PATL1: variants seen among roughly 807,000 people sequenced by gnomAD.
The protein encoded by PATL1 is PAT1 homolog 1, processing body mRNA decay factor, also known as protein PAT1 homolog 1.
Under a neutral mutation model 100.6 loss-of-function variants are expected in PATL1, and 32 were observed. That is an observed-to-expected ratio of 0.32 (90% confidence interval 0.24 to 0.43). PATL1 has a LOEUF of 0.43. PATL1 is among the 20% of genes least tolerant of loss of function. The probability of loss-of-function intolerance (pLI) is 1.00; values close to 1 mark genes in which losing one functional copy is unlikely to be tolerated. For missense variants in PATL1, 747 were observed against 949.9 expected (o/e 0.79, Z 2.81); for synonymous variants, 332 against 330.0 (o/e 1.01, Z -0.07).
chr11:59,658,549 C>T (rs1261597710), intron 4 of PATL1, among the ~76,000 whole-genome samples: 1 of 152,106 alleles, frequency 6.6e-6, no homozygotes, highest in Non-Finnish European at 1.5e-5. Flanking sequence ...TCTTGAACTC[C>T]TCACCTCAAG....
chr11:59,648,191 T>C (rs992813732), intron 14 of PATL1, among the ~76,000 whole-genome samples: 28 of 149,664 alleles, frequency 1.9e-4, no homozygotes, highest in Non-Finnish European at 3.1e-4. Context: ...TTTTCTTTTT[T>C]TTTTTTTTTT....
chr11:59,652,395 T>C, intron 11 of PATL1, 69 bp downstream of exon 11: 3 of 1,533,094 alleles, frequency 2.0e-6, no homozygotes, highest in East Asian at 2.3e-5. Flanking sequence ...TACACTTGTC[T>C]ATATTTAATC....
At chr11:59,658,980 T>C (rs962038292) in intron 3 of PATL1, 34 bp from the exon 4 acceptor site, 11 of 1,507,146 alleles carry the variant, frequency 7.3e-6, no homozygotes, top group Non-Finnish European at 9.0e-6. Flanking sequence ...GAGTCTGAAA[T>C]GTTGTATACT....
chr11:59,656,943 G>A (rs533120803), intron 5 of PATL1: 1 of 361,370 alleles, frequency 2.8e-6, no homozygotes, highest in Non-Finnish European at 3.8e-6. Flanking sequence ...AAGAAAGCTG[G>A]AGGATTAACT....
rs1212563421 is a variant in PATL1 at position 59,638,370 on chromosome 11, A to G, written c.*20T>C. The G allele has an allele frequency of 1.2e-6, 2 of 1,610,658 alleles. No homozygotes were observed. Among genetic ancestry groups the G allele is most frequent in the East Asian group, 2.2e-5 (1 of 44,876 alleles). Reference sequence around the variant, plus strand: ...GCAGGTGGCAGCCAAAAGGAGGTACAGGACACATTTGGAGATCTTTTATCG... The same window carrying G: ...GCAGGTGGCAGCCAAAAGGAGGTACGGGACACATTTGGAGATCTTTTATCG... On this transcript the variant is annotated 3_prime_UTR_variant, in exon 19 of 19. Coordinates refer to ENST00000300146, the MANE Select transcript of PATL1 (RefSeq NM_152716.3).
At position 59,637,112 on chromosome 11, in the gene PATL1, AAAGT is replaced by A. The variant is rs1285091815; in HGVS notation, c.*1274_*1277del. On this transcript the variant is annotated 3_prime_UTR_variant, in exon 19 of 19. Transcript: ENST00000300146. ...CTCCCACCCCCCAACTACATTCGAA[AAAGT>A]AAGAACAGCAGAAAGATCACGAAGG... 1 of 152,676 alleles carries A rather than the reference AAAGT, an allele frequency of 6.5e-6. No individual in the cohort carries two copies. The highest frequency in any genetic ancestry group is 1.9e-4 in the East Asian group (1 of 5,200). The allele number at this position is 152,676 out of a possible 1,614,324, so 9.5% of individuals were successfully genotyped here. A position where few individuals can be genotyped will look rare whatever the true frequency, so the allele number is the denominator to read the frequency against.
intron 1 of PATL1, among the ~76,000 whole-genome samples, chr11:59,668,117 C>T (rs570498072): frequency 2.0e-4 from 31 of 152,356 alleles, no homozygotes; most frequent in African/African-American, 7.2e-4. Flanking sequence ...ATCTACTTTA[C>T]CAAATCGCTG....
chr11:59,644,932 G>T (rs2134740081), intron 15 of PATL1, among the ~76,000 whole-genome samples: 1 of 130,266 alleles, frequency 7.7e-6, no homozygotes, highest in African/African-American at 2.9e-5. Flanking sequence ...AAAGCACAGT[G>T]CTTGGTTGTC....
intron 8 of PATL1, 38 bp from the exon 9 acceptor site, chr11:59,654,110 C>T (rs763731564): frequency 2.0e-6 from 3 of 1,524,858 alleles, no homozygotes; most frequent in Non-Finnish European, 2.7e-6. Context: ...GTTTGGTCAT[C>T]CTGATGACTT....
chr11:59,668,922 G>T lies in PATL1; in HGVS notation c.-27C>A. The T allele has an allele frequency of 2.0e-6, 1 of 497,560 alleles. No homozygotes were observed. 30.8% of individuals were successfully genotyped at this position (497,560 alleles called of 1,614,324 possible). On this transcript the variant is annotated 5_prime_UTR_variant, in exon 1 of 19. Transcript: ENST00000300146. Reference sequence around the variant, plus strand: ...CTTGGGGAGGGGGGCAGGGAGCGGGGAGGGGAGAGGGGGAGGGAGGGAAGA... The same window carrying T: ...CTTGGGGAGGGGGGCAGGGAGCGGGTAGGGGAGAGGGGGAGGGAGGGAAGA...
At chr11:59,657,924 G>C (rs933853467) in intron 4 of PATL1, among the ~76,000 whole-genome samples, 200 bp from the exon 5 acceptor site, 9 of 152,144 alleles carry the variant, frequency 5.9e-5, no homozygotes, top group Admixed American at 5.2e-4. Flanking sequence ...AGCGCCTTGG[G>C]AGGGTGAGGT....
chr11:59,658,468 G>A (rs1590702731), intron 4 of PATL1, among the ~76,000 whole-genome samples: 1 of 151,994 alleles, frequency 6.6e-6, no homozygotes, highest in Non-Finnish European at 1.5e-5. Flanking sequence ...GATTACAGGT[G>A]CCCACCACCA....
intron 2 of PATL1, 66 bp from the exon 3 acceptor site, chr11:59,659,535 TTG>T: frequency 7.0e-7 from 1 of 1,429,846 alleles, no homozygotes; most frequent in South Asian, 1.3e-5. Context: ...TACACAATTA[TTG>T]TTTTTTTTTT....
intron 18 of PATL1, 120 bp from the exon 19 acceptor site, chr11:59,638,531 T>C: frequency 1.0e-6 from 1 of 954,494 alleles, no homozygotes; most frequent in Non-Finnish European, 1.6e-6. Flanking sequence ...AGATTATTTC[T>C]CTACCCTTAG....
Position 59,639,275 on chromosome 11 carries a change from A to G in PATL1, c.2141+17T>C. The G allele has an allele frequency of 6.4e-7, 1 of 1,560,668 alleles. No homozygotes were observed. The highest frequency in any genetic ancestry group is 8.7e-7 in the Non-Finnish European group (1 of 1,152,000). ...CTCAAAGAACTTAAAATAAGAGAAGAAACAGTCCACACTGACCACTGATTA... is the reference window on the plus strand; with the variant it reads ...CTCAAAGAACTTAAAATAAGAGAAGGAACAGTCCACACTGACCACTGATTA... On this transcript the variant is annotated intron_variant, in intron 17 of 18. Coordinates refer to ENST00000300146, the MANE Select transcript of PATL1 (RefSeq NM_152716.3).
intron 13 of PATL1, among the ~76,000 whole-genome samples, chr11:59,650,242 A>G (rs1288443208): frequency 6.6e-6 from 1 of 152,202 alleles, no homozygotes; most frequent in Non-Finnish European, 1.5e-5. Flanking sequence ...GCCTTAAGTT[A>G]CAGACTCAGA....
chr11:59,647,776 A>G lies in PATL1; in HGVS notation c.1871T>C (p.Ile624Thr). ...CACCTCATCTTGTGCATCCTTCTTG[A>G]TAAGGAAAGGGAGGTTCCTGGCTGT... is the stretch of plus-strand genomic sequence containing the variant. Reference protein sequence around the residue: ...MTTARNLPFLIKKDAQDEVLP... With the variant: ...MTTARNLPFLTKKDAQDEVLP... The change falls in exon 15 of 19, where the codon ATC becomes ACC. Residue 624 changes from isoleucine to threonine, a missense_variant. Ile to Thr is a moderately conservative substitution (Grantham distance 89). This residue lies in a region of PATL1 where 434 missense variants were observed against 596.1 expected (regional missense o/e 0.73). Coordinates refer to ENST00000300146, the MANE Select transcript of PATL1 (RefSeq NM_152716.3). The G allele has an allele frequency of 6.2e-7, 1 of 1,613,976 alleles. No homozygotes were observed. Among genetic ancestry groups the G allele is most frequent in the Non-Finnish European group, 8.5e-7 (1 of 1,179,862 alleles).
Position 59,644,853 on chromosome 11 carries a change from C to T in PATL1, c.1894-1818G>A, listed in dbSNP as rs552797583. Among the ~76,000 whole-genome samples the T allele has an allele frequency of 1.7e-4, 24 of 143,372 alleles. No individual in the cohort carries two copies. The Middle Eastern group carries it at 0.012, about 72-fold the overall frequency. 94.1% of individuals were successfully genotyped at this position (143,372 alleles called of 152,430 possible). ...GGAAAACTGCTTGAGCCCAGGAGCT[C>T]GAGACAAGCCTGGACAACATAGGGA... On this transcript the variant is annotated intron_variant, in intron 15 of 18. Transcript: ENST00000300146.
At position 59,636,832 on chromosome 11, in the gene PATL1, A is replaced by G. The variant is rs1861199126; in HGVS notation, c.*1558T>C. ...CAAAAAAGATAAAGCACAGTAAGGA[A>G]GAGATAATAATCAAGTATTCACTTG... On this transcript the variant is annotated 3_prime_UTR_variant, in exon 19 of 19. Transcript: ENST00000300146. 6.6e-6 allele frequency: 1 copy of G among 152,642 alleles called. No individual in the cohort carries two copies. The highest frequency in any genetic ancestry group is 6.5e-5 in the Admixed American group (1 of 15,278). 9.5% of individuals were successfully genotyped at this position (152,642 alleles called of 1,614,324 possible). A position where few individuals can be genotyped will look rare whatever the true frequency, so the allele number is the denominator to read the frequency against.
Sources: allele counts gnomAD v4.1 joint callset (sites outside exome capture counted in the v4.1 genomes callset), GRCh38; gene constraint gnomAD v4.1.1; regional missense constraint gnomAD v4.1.1; transcripts MANE v1.5; gene names NCBI Gene and HGNC (gene_info 2026-07-23, HGNC 2026-07-21).